PCDH9: variants seen among roughly 807,000 people sequenced by gnomAD.
The protein encoded by PCDH9 is protocadherin 9, also known as protocadherin-9.
Under a neutral mutation model 70.6 loss-of-function variants are expected in PCDH9, and 24 were observed. The observed-to-expected ratio is 0.34, with a 90% CI of 0.25 to 0.48. The LOEUF (loss-of-function observed/expected upper bound fraction) is 0.48. PCDH9 is among the 20% of genes least tolerant of loss of function. The pLI is 0.99. For synonymous variants in PCDH9, 562 were observed against 558.5 expected (o/e 1.01, Z -0.09); for missense variants, 1,281 against 1,503.6 (o/e 0.85, Z 2.45).
chr13:66,761,235 C>T lies in PCDH9; in HGVS notation c.3139-129824G>A, dbSNP rs540724963. 2.3e-3 allele frequency among the ~76,000 whole-genome samples: 350 copies of T among 152,188 alleles called. 3 individuals are homozygous for T. Among genetic ancestry groups the T allele is most frequent in the Non-Finnish European group, 2.8e-3 (192 of 67,996 alleles). ...ACCTGCTGACATGTGATGTCACCCC[C>T]GGAAACCCAGCTGTAAAATTTCTCT... is the stretch of plus-strand genomic sequence containing the variant. On this transcript the variant is annotated intron_variant, in intron 3 of 4. Coordinates refer to ENST00000377865, the MANE Select transcript of PCDH9 (RefSeq NM_203487.3).
In PCDH9 at chr13:67,227,993, A is replaced by T. The variant is rs1198285711; in HGVS notation, c.448T>A (p.Ser150Thr). ...TTGATCAAAGTGTTTTCTGGAATGG[A>T]AATATTGATGACAGGAGATGGAAAC... ...PMFPSPVINI[S>T]IPENTLINSR... is the part of the protein sequence containing the mutation. The change falls in exon 2 of 5, where the codon TCC becomes ACC. Residue 150 changes from serine to threonine, a missense_variant. Coordinates refer to ENST00000377865, the MANE Select transcript of PCDH9 (RefSeq NM_203487.3). The surrounding 1 kb of genome is among the most constrained non-coding windows in gnomAD (Gnocchi z 4.6). 8.1e-6 allele frequency: 13 copies of T among 1,614,034 alleles called. No homozygotes were observed. Among genetic ancestry groups the T allele is most frequent in the African/African-American group, 1.3e-5 (1 of 74,928 alleles).
At chr13:66,369,705 C>A (rs1436913484) in intron 4 of PCDH9, among the ~76,000 whole-genome samples, 1 of 152,054 alleles carries the variant, frequency 6.6e-6, no homozygotes, top group Non-Finnish European at 1.5e-5. Flanking sequence ...AGTAACTGAA[C>A]TTAAAAGTAA....
At chr13:67,050,470 A>C (rs2085300267) in intron 2 of PCDH9, among the ~76,000 whole-genome samples, 1 of 152,208 alleles carries the variant, frequency 6.6e-6, no homozygotes, top group African/African-American at 2.4e-5. Flanking sequence ...AGAAGCACTA[A>C]TAATTATGTT....
chr13:66,982,705 C>A (rs755013809), intron 2 of PCDH9, among the ~76,000 whole-genome samples: 1 of 152,138 alleles, frequency 6.6e-6, no homozygotes, highest in Non-Finnish European at 1.5e-5. Flanking sequence ...TGAAACCCTA[C>A]CTTGTAAACA....
intron 2 of PCDH9, among the ~76,000 whole-genome samples, chr13:66,955,215 C>T (rs971640212): frequency 6.6e-6 from 1 of 152,172 alleles, no homozygotes; most frequent in African/African-American, 2.4e-5. Context: ...TAGAGCTTTT[C>T]AATCAATATC....
chr13:66,311,379 TG>T (rs1483350558), intron 4 of PCDH9, among the ~76,000 whole-genome samples: 8 of 151,862 alleles, frequency 5.3e-5, no homozygotes, highest in African/African-American at 1.9e-4. Flanking sequence ...TGTGTGTGTG[TG>T]TGTGTGTGTT....
At chr13:66,776,538 A>G (rs914962594) in intron 3 of PCDH9, among the ~76,000 whole-genome samples, 13 of 151,882 alleles carry the variant, frequency 8.6e-5, no homozygotes, top group Non-Finnish European at 1.9e-4. Context: ...AATTGCTTCA[A>G]AGAGAATAAA....
chr13:66,492,008 T>C (rs1239159423), intron 4 of PCDH9, among the ~76,000 whole-genome samples: 1 of 152,098 alleles, frequency 6.6e-6, no homozygotes, highest in Admixed American at 6.5e-5. Context: ...AAAGTTTGGT[T>C]CTCAAATGGG....
intron 3 of PCDH9, among the ~76,000 whole-genome samples, chr13:66,757,174 G>A (rs954215896): frequency 2.0e-5 from 3 of 152,078 alleles, no homozygotes; most frequent in East Asian, 1.9e-4. Context: ...TTGCATTTGC[G>A]GTCTTCGGTG....
intron 4 of PCDH9, among the ~76,000 whole-genome samples, chr13:66,395,555 G>A (rs983117452): frequency 1.3e-5 from 2 of 151,918 alleles, no homozygotes; most frequent in Admixed American, 6.6e-5. Context: ...AGCCAAGATC[G>A]TGCCACTGCA....
intron 3 of PCDH9, among the ~76,000 whole-genome samples, chr13:66,672,500 C>A (rs369815836): frequency 1.3e-4 from 20 of 152,296 alleles, no homozygotes; most frequent in African/African-American, 4.6e-4. Flanking sequence ...GGGTGGGAGC[C>A]CCCATACAGA....
At chr13:66,778,169 T>C (rs2033868682) in intron 3 of PCDH9, among the ~76,000 whole-genome samples, 1 of 150,178 alleles carries the variant, frequency 6.7e-6, no homozygotes, top group African/African-American at 2.4e-5. Flanking sequence ...CTTTAGGAGA[T>C]ATACCTAATG....
At chr13:66,599,672 G>GA (rs2077142990) in intron 4 of PCDH9, among the ~76,000 whole-genome samples, 8 of 151,718 alleles carry the variant, frequency 5.3e-5, no homozygotes, top group Non-Finnish European at 8.8e-5. Flanking sequence ...GCTTTGATTA[G>GA]TACAGTGTAT....
chr13:66,926,507 G>T (rs1255708754), intron 2 of PCDH9, among the ~76,000 whole-genome samples: 1 of 151,930 alleles, frequency 6.6e-6, no homozygotes, highest in African/African-American at 2.4e-5. Flanking sequence ...ATGTTAATTA[G>T]CTCTTACGTA....
chr13:66,680,870 G>T (rs867991516), intron 3 of PCDH9, among the ~76,000 whole-genome samples: 1 of 152,024 alleles, frequency 6.6e-6, no homozygotes. Context: ...AGAGAAAATA[G>T]CAGTAATATT....
chr13:66,467,515 C>T (rs1179403998), intron 4 of PCDH9, among the ~76,000 whole-genome samples: 2 of 152,032 alleles, frequency 1.3e-5, no homozygotes, highest in Admixed American at 6.6e-5. Flanking sequence ...CCACATCTAC[C>T]AGCCAGCTTA....
chr13:66,801,647 A>C (rs920409497), intron 3 of PCDH9, among the ~76,000 whole-genome samples: 4 of 152,190 alleles, frequency 2.6e-5, no homozygotes, highest in Non-Finnish European at 5.9e-5. Flanking sequence ...ACACAAACTA[A>C]TATGTGAATT....
intron 2 of PCDH9, among the ~76,000 whole-genome samples, chr13:66,927,662 A>G (rs943342354): frequency 6.6e-6 from 1 of 152,052 alleles, no homozygotes; most frequent in Admixed American, 6.6e-5. Flanking sequence ...TCCTTGGCTT[A>G]TAGATCTGGC....
chr13:67,062,016 G>A (rs1277618797), intron 2 of PCDH9, among the ~76,000 whole-genome samples: 1 of 152,102 alleles, frequency 6.6e-6, no homozygotes, highest in Non-Finnish European at 1.5e-5. Context: ...ATTTTGAGGA[G>A]GAAGGAAAAA....
Sources: gnomAD v4.1 joint callset for allele counts (sites outside exome capture counted in the v4.1 genomes callset) on GRCh38, gnomAD v4.1.1 for gene constraint, Gnocchi (gnomAD v3.1) non-coding constraint, MANE v1.5 for transcripts, NCBI Gene and HGNC (gene_info 2026-07-23, HGNC 2026-07-21) for gene names.